Variants in PTPRF observed in about 807,000 individuals in gnomAD.
PTPRF encodes the protein receptor-type tyrosine-protein phosphatase F.
PTPRF carries 59 observed loss-of-function variants against 201.8 expected under a neutral mutation model. That is an observed-to-expected ratio of 0.29 (90% CI 0.24 to 0.36). The LOEUF is 0.36. PTPRF is among the 10% of genes least tolerant of loss of function. PTPRF has a pLI of 1.00. For missense variants in PTPRF, 2,132 were observed against 2,690.5 expected (o/e 0.79, Z 4.59); for synonymous variants, 1,088 against 1,089.7 (o/e 1.00, Z 0.03).
chr1:43,619,295 G>T lies in PTPRF; in HGVS notation c.4654G>T (p.Val1552Leu), dbSNP rs370996086. 1 of 1,613,360 alleles carries T rather than the reference G, an allele frequency of 6.2e-7. No individual in the cohort carries two copies. Among genetic ancestry groups the T allele is most frequent in the Non-Finnish European group, 8.5e-7 (1 of 1,179,944 alleles). The change falls in exon 28 of 34, where the codon GTG (valine) becomes TTG (leucine). Residue 1552 changes from valine (V) to leucine (L), a missense_variant. Val to Leu is a conservative substitution (Grantham distance 32). Coordinates refer to ENST00000359947, the MANE Select transcript of PTPRF (RefSeq NM_002840.5). The stretch of plus-strand genomic sequence containing the variant: ...TGAGCCCGTGTCCTGCAGCGCGGGC[G>T]TGGGCCGCACCGGCTGCTTCATCGT... ...GPMVVHCSAG[V>L]GRTGCFIVID...
At chr1:43,547,327 G>A (rs1644743517) in intron 3 of PTPRF, among the ~76,000 whole-genome samples, 1 of 152,240 alleles carries the variant, frequency 6.6e-6, no homozygotes, top group African/African-American at 2.4e-5. Context: ...ACCAGGTCTT[G>A]ACGGTAGAAA....
chr1:43,589,694 C>CG lies in PTPRF; in HGVS notation c.949+695dup, dbSNP rs1491432686. 9.0e-5 allele frequency among the ~76,000 whole-genome samples: 7 copies of CG among 78,032 alleles called. 1 individual carries two copies. The highest frequency in any genetic ancestry group is 2.0e-4 in the African/African-American group (3 of 14,824). 51.2% of individuals were successfully genotyped at this position (78,032 alleles called of 152,430 possible). On this transcript the variant is annotated intron_variant, in intron 8 of 33. Transcript: ENST00000359947. The stretch of plus-strand genomic sequence containing the variant: ...TAACGTAGTGAGACCCCCATCTCTA[C>CG]GAAAAAAAAAAAAAAAAAAAAACTG...
intron 6 of PTPRF, among the ~76,000 whole-genome samples, chr1:43,576,938 C>T (rs973075462): frequency 6.6e-6 from 1 of 152,120 alleles, no homozygotes; most frequent in Non-Finnish European, 1.5e-5. Context: ...CACCTGGGAG[C>T]CCCCCAATCC....
intron 14 of PTPRF, among the ~76,000 whole-genome samples, chr1:43,602,389 C>G (rs955519125): frequency 6.6e-6 from 1 of 152,232 alleles, no homozygotes; most frequent in Non-Finnish European, 1.5e-5. Flanking sequence ...CAATCCTGAT[C>G]GTTAGGCCTT....
chr1:43,571,003 G>A (rs1279316715), intron 6 of PTPRF, among the ~76,000 whole-genome samples: 1 of 152,176 alleles, frequency 6.6e-6, no homozygotes, highest in South Asian at 2.1e-4. Context: ...CTCCCTGCTG[G>A]CCTGGGCCCC....
At chr1:43,602,158 C>T (rs973242544) in intron 14 of PTPRF, 61 bp downstream of exon 14, 4 of 1,536,238 alleles carry the variant, frequency 2.6e-6, no homozygotes, top group Non-Finnish European at 3.6e-6. Flanking sequence ...GTGGGACGCT[C>T]CTCCTCTCCC....
chr1:43,595,728 G>A (rs553782781), intron 11 of PTPRF, among the ~76,000 whole-genome samples: 1 of 152,270 alleles, frequency 6.6e-6, no homozygotes, highest in South Asian at 2.1e-4. Context: ...GGAGAGAATT[G>A]CTGCAGATGC....
rs1659366347 is a variant in PTPRF at position 43,622,166 on chromosome 1, TCA to T, written c.*164_*165del. 4 of 724,260 alleles carry T rather than the reference TCA, an allele frequency of 5.5e-6. No homozygotes were observed. The South Asian group carries it at 7.0e-5, about 13-fold the overall frequency. The allele number at this position is 724,260 out of a possible 1,614,324, so 44.9% of individuals were successfully genotyped here. A position where few individuals can be genotyped will look rare whatever the true frequency, so the allele number is the denominator to read the frequency against. On this transcript the variant is annotated 3_prime_UTR_variant, in exon 34 of 34. Coordinates refer to ENST00000359947, the MANE Select transcript of PTPRF (RefSeq NM_002840.5). ...CGTTTCAGGAACGTTGCCACACCAA[TCA>T]GAGAGCCTAGAACATCCCTGGGCAA...
In PTPRF at chr1:43,591,517, C is replaced by T; in HGVS notation, c.1495C>T (p.Pro499Ser). Residue 499 changes from proline (P) to serine (S), a missense_variant, in exon 9 of 34, where the codon CCC becomes TCC. By Grantham distance (74) the Pro-to-Ser change is moderately conservative. This residue lies in a region of PTPRF where 351 missense variants were observed against 401.7 expected (regional missense o/e 0.87). Coordinates refer to ENST00000359947, the MANE Select transcript of PTPRF (RefSeq NM_002840.5). ...CTTCACCGCCGTGGGCGATGGCCCT[C>T]CCAGCCCCACCATCCAGGTCAAGAC... ...LAFTAVGDGPPSPTIQVKTQQ... is the reference protein window; with the variant it reads ...LAFTAVGDGPSSPTIQVKTQQ... 6.3e-7 allele frequency: 1 copy of T among 1,598,774 alleles called. No homozygotes were observed. The highest frequency in any genetic ancestry group is 8.5e-7 in the Non-Finnish European group (1 of 1,174,674).
At chr1:43,539,040 CT>C (rs1192735201) in intron 2 of PTPRF, among the ~76,000 whole-genome samples, 5 of 152,330 alleles carry the variant, frequency 3.3e-5, no homozygotes, top group African/African-American at 9.6e-5. Flanking sequence ...TCACGGAACA[CT>C]GTCTGAATGC....
Position 43,591,529 on chromosome 1 carries a change from A to G in PTPRF, c.1507A>G (p.Ile503Val). 3 of 1,595,996 alleles carry G rather than the reference A, an allele frequency of 1.9e-6. No homozygotes were observed. The highest frequency in any genetic ancestry group is 1.1e-5 in the South Asian group (1 of 88,700). The change falls in exon 9 of 34, where the codon ATC becomes GTC. Residue 503 changes from isoleucine to valine, a missense_variant. Ile to Val is a conservative substitution (Grantham distance 29, BLOSUM62 3). This residue lies in a region of PTPRF where 351 missense variants were observed against 401.7 expected (regional missense o/e 0.87). Coordinates refer to ENST00000359947, the MANE Select transcript of PTPRF (RefSeq NM_002840.5). ...AVGDGPPSPT[I>V]QVKTQQGVPA... Reference sequence around the variant, plus strand: ...GGGCGATGGCCCTCCCAGCCCCACCATCCAGGTCAAGACGCAGCAGGGAGG... The same window carrying G: ...GGGCGATGGCCCTCCCAGCCCCACCGTCCAGGTCAAGACGCAGCAGGGAGG...
chr1:43,528,103 C>CGG (rs1643195543), upstream of PTPRF, among the ~76,000 whole-genome samples: 1 of 152,188 alleles, frequency 6.6e-6, no homozygotes, highest in South Asian at 2.1e-4. Flanking sequence ...GTGGTGACAG[C>CGG]CAGGATGGCT....
At chr1:43,549,771 C>T (rs1377580793) in intron 3 of PTPRF, among the ~76,000 whole-genome samples, 4 of 151,834 alleles carry the variant, frequency 2.6e-5, no homozygotes, top group African/African-American at 9.7e-5. Flanking sequence ...GGGAGGATTG[C>T]TTGAGCCTAG....
chr1:43,579,445 C>A, intron 7 of PTPRF: 1 of 349,670 alleles, frequency 2.9e-6, no homozygotes, highest in South Asian at 2.2e-5. Context: ...TTCCTGGAGC[C>A]TTCCTGGAGG....
chr1:43,560,304 G>T (rs760459756), intron 5 of PTPRF, among the ~76,000 whole-genome samples: 1 of 152,052 alleles, frequency 6.6e-6, no homozygotes, highest in Admixed American at 6.5e-5. Flanking sequence ...TGTGCAGCAG[G>T]CCATGTGTGT....
chr1:43,622,061 C>T lies in PTPRF; in HGVS notation c.*58C>T, dbSNP rs1659347900. 2.9e-5 allele frequency: 45 copies of T among 1,555,384 alleles called. No homozygotes were observed. The South Asian group carries it at 4.6e-4, about 16-fold the overall frequency. On this transcript the variant is annotated 3_prime_UTR_variant, in exon 34 of 34. Coordinates refer to ENST00000359947, the MANE Select transcript of PTPRF (RefSeq NM_002840.5). Reference sequence around the variant, plus strand: ...GTGGGGCTCCGGAGGGGACCCAGCTCCTCTGAGCCATACCGACCATCGTCC... The same window carrying T: ...GTGGGGCTCCGGAGGGGACCCAGCTTCTCTGAGCCATACCGACCATCGTCC...
intron 11 of PTPRF, among the ~76,000 whole-genome samples, chr1:43,595,344 A>G (rs1484956990): frequency 6.6e-6 from 1 of 152,062 alleles, no homozygotes; most frequent in Non-Finnish European, 1.5e-5. Flanking sequence ...CCTCCCGAGT[A>G]GCTGGGTTTA....
At chr1:43,606,169 CCAGGCCACAGCCT>C in intron 19 of PTPRF, 58 bp from the exon 20 acceptor site, 1 of 1,512,508 alleles carries the variant, frequency 6.6e-7, no homozygotes, top group Non-Finnish European at 8.9e-7. Flanking sequence ...AGCTGACATC[CCAGGCCACAGCCT>C]CAGGGCTGGC....
chr1:43,527,284 AG>A (rs1036514459), upstream of PTPRF, among the ~76,000 whole-genome samples: 1 of 152,212 alleles, frequency 6.6e-6, no homozygotes, highest in African/African-American at 2.4e-5. Flanking sequence ...GCCCAGGAGC[AG>A]GGCAGCAGGG....
Sources: allele counts gnomAD v4.1 joint callset (sites outside exome capture counted in the v4.1 genomes callset), GRCh38; gene constraint gnomAD v4.1.1; regional missense constraint gnomAD v4.1.1; transcripts MANE v1.5; gene names NCBI Gene and HGNC (gene_info 2026-07-23, HGNC 2026-07-21).